TMEM135: variants seen among roughly 807,000 people sequenced by gnomAD.
TMEM135 encodes the protein transmembrane protein 135.
Under a neutral mutation model 60.3 loss-of-function variants are expected in TMEM135, and 30 were observed. The ratio of observed to expected loss-of-function variants is 0.50; its 90% confidence interval spans 0.37 to 0.68. TMEM135 has a LOEUF of 0.68. Among genes scored for constraint, TMEM135 ranks in the 30% least tolerant of loss-of-function variants. The probability of loss-of-function intolerance (pLI) is 0.00; values close to 1 mark genes in which losing one functional copy is unlikely to be tolerated. For synonymous variants in TMEM135, 190 were observed against 186.7 expected, an observed-to-expected ratio of 1.02 and a Z score of -0.14; for missense variants, 468 against 548.8, an observed-to-expected ratio of 0.85 and a Z score of 1.47.
At chr11:87,106,708 A>G (rs1857605368) in intron 4 of TMEM135, among the ~76,000 whole-genome samples, 1 of 152,038 alleles carries the variant, frequency 6.6e-6, no homozygotes, top group Admixed American at 6.6e-5. Flanking sequence ...ACTTTTTGTT[A>G]TTTATTCTAT....
At chr11:87,260,482 G>A (rs1312162892) in intron 6 of TMEM135, among the ~76,000 whole-genome samples, 1 of 152,114 alleles carries the variant, frequency 6.6e-6, no homozygotes, top group African/African-American at 2.4e-5. Context: ...TGAATGCTAA[G>A]AAGTCTATAA....
At chr11:87,213,326 A>G (rs899391446) in intron 5 of TMEM135, among the ~76,000 whole-genome samples, 1 of 152,304 alleles carries the variant, frequency 6.6e-6, no homozygotes, top group African/African-American at 2.4e-5. Context: ...TGTAACTTCT[A>G]TTACTACTGC....
Position 87,200,462 on chromosome 11 carries a change from C to A in TMEM135, c.463-36176C>A, listed in dbSNP as rs149339928. On this transcript the variant is annotated intron_variant, in intron 5 of 14. Transcript: ENST00000305494. ...TATTTTTAGAGAAGTTTTAGGTACA[C>A]AGCAAAATTAGGTGGAAAATAGAGA... Among the ~76,000 whole-genome samples, 298 of 152,116 alleles carry A rather than the reference C, an allele frequency of 2.0e-3. 1 individual carries two copies. Among genetic ancestry groups the A allele is most frequent in the African/African-American group, 6.8e-3 (284 of 41,502 alleles).
chr11:87,076,972 A>G (rs1463082261), intron 3 of TMEM135, among the ~76,000 whole-genome samples: 1 of 152,232 alleles, frequency 6.6e-6, no homozygotes, highest in Non-Finnish European at 1.5e-5. Context: ...CAACTACACT[A>G]TAGACTTCAT....
chr11:87,293,092 T>C (rs770693360), intron 6 of TMEM135, among the ~76,000 whole-genome samples: 5 of 152,234 alleles, frequency 3.3e-5, no homozygotes, highest in Non-Finnish European at 7.3e-5. Flanking sequence ...TTCCAGTCAA[T>C]AGACCCCTTA....
At chr11:87,129,131 A>G (rs73523044) in intron 4 of TMEM135, among the ~76,000 whole-genome samples, 3,315 of 151,114 alleles carry the variant, frequency 0.022, 138 homozygotes, top group African/African-American at 0.077. Flanking sequence ...AAAACTTAGC[A>G]TAGGTTTGTA....
chr11:87,125,432 T>C (rs537180394), intron 4 of TMEM135, among the ~76,000 whole-genome samples: 52 of 152,254 alleles, frequency 3.4e-4, no homozygotes, highest in African/African-American at 1.2e-3. Context: ...CCGAATGATG[T>C]AAAGGAGCTG....
intron 3 of TMEM135, among the ~76,000 whole-genome samples, chr11:87,077,845 A>G (rs1673470534): frequency 6.6e-6 from 1 of 152,232 alleles, no homozygotes; most frequent in Non-Finnish European, 1.5e-5. Flanking sequence ...GGAGTCATAC[A>G]ATATGTGTCA....
At position 87,299,550 on chromosome 11, in the gene TMEM135, A is replaced by T. The variant is rs533122168; in HGVS notation, c.552-2746A>T. The stretch of plus-strand genomic sequence containing the variant: ...ATCAGCACTCCTCAACAAGTGTGAG[A>T]TAATACAGGAGGTACAAAGCTAACA... On this transcript the variant is annotated intron_variant, in intron 7 of 14. Coordinates refer to ENST00000305494, the MANE Select transcript of TMEM135 (RefSeq NM_022918.4). 5.3e-5 allele frequency among the ~76,000 whole-genome samples: 8 copies of T among 152,306 alleles called. No individual in the cohort carries two copies. In the South Asian group the frequency reaches 1.7e-3, roughly 32 times the overall value.
chr11:87,201,915 A>G (rs1940101978), intron 5 of TMEM135, among the ~76,000 whole-genome samples: 1 of 151,812 alleles, frequency 6.6e-6, no homozygotes, highest in African/African-American at 2.4e-5. Flanking sequence ...ACACACACAC[A>G]TACACATATA....
chr11:87,271,826 C>T (rs11235067), intron 6 of TMEM135, among the ~76,000 whole-genome samples: 53,283 of 151,270 alleles, frequency 0.35, 9,861 homozygotes, highest in Non-Finnish European at 0.42. Context: ...GTCCCAGCTA[C>T]TTTGGAGGCT....
At chr11:87,179,468 A>G (rs931048691) in intron 5 of TMEM135, among the ~76,000 whole-genome samples, 4 of 152,104 alleles carry the variant, frequency 2.6e-5, no homozygotes, top group African/African-American at 7.2e-5. Flanking sequence ...GGGGGTCACA[A>G]AGATTTTCTC....
intron 1 of TMEM135, among the ~76,000 whole-genome samples, chr11:87,054,713 C>G (rs1347750536): frequency 6.6e-6 from 1 of 152,084 alleles, no homozygotes; most frequent in Admixed American, 6.5e-5. Flanking sequence ...TTGAAAGATT[C>G]TGCACCTATT....
chr11:87,236,291 C>T (rs1273738413), intron 5 of TMEM135, among the ~76,000 whole-genome samples: 1 of 151,600 alleles, frequency 6.6e-6, no homozygotes, highest in Non-Finnish European at 1.5e-5. Flanking sequence ...TTTTCTGGGC[C>T]ACATTGGAAG....
intron 4 of TMEM135, among the ~76,000 whole-genome samples, chr11:87,105,186 C>G (rs1333225001): frequency 2.6e-5 from 4 of 152,178 alleles, no homozygotes. Flanking sequence ...CTTCGTCCTG[C>G]TAATGTGGCA....
intron 2 of TMEM135, among the ~76,000 whole-genome samples, chr11:87,070,201 A>C (rs769003745): frequency 1.3e-5 from 2 of 151,970 alleles, no homozygotes; most frequent in South Asian, 4.1e-4. Context: ...ATTCTTATAT[A>C]TATCTATCTA....
chr11:87,287,141 A>G (rs1414200648), intron 6 of TMEM135, among the ~76,000 whole-genome samples: 4 of 152,208 alleles, frequency 2.6e-5, no homozygotes, highest in Non-Finnish European at 5.9e-5. Context: ...GAGGTAGATG[A>G]TGTAAAATGC....
At position 87,323,002 on chromosome 11, in the gene TMEM135, A is replaced by G. The variant is rs922649333; in HGVS notation, c.*1669A>G. The G allele has an allele frequency of 1.3e-5, 6 of 454,430 alleles. No homozygotes were observed. Among genetic ancestry groups the G allele is most frequent in the Non-Finnish European group, 1.8e-5 (4 of 226,722 alleles). The allele number at this position is 454,430 out of a possible 1,614,324, so 28.1% of individuals were successfully genotyped here. On this transcript the variant is annotated 3_prime_UTR_variant, in exon 15 of 15. Coordinates refer to ENST00000305494, the MANE Select transcript of TMEM135 (RefSeq NM_022918.4). ...GTTGGTACTGTGTTTACTGTTTAAA[A>G]TGAAGTACTAAAGCCCTGAGAACTG...
intron 1 of TMEM135, among the ~76,000 whole-genome samples, chr11:87,056,708 A>C (rs972568022): frequency 7.2e-5 from 11 of 152,040 alleles, no homozygotes; most frequent in Admixed American, 6.6e-5. Context: ...GTTATCTGTG[A>C]TTTCTTCTCT....
Sources: allele counts gnomAD v4.1 joint callset (sites outside exome capture counted in the v4.1 genomes callset), GRCh38; gene constraint gnomAD v4.1.1; transcripts MANE v1.5; gene names NCBI Gene and HGNC (gene_info 2026-07-23, HGNC 2026-07-21).